The following NEMP2 variants were observed in gnomAD, a reference collection of about 807,000 sequenced individuals.
NEMP2 encodes the protein UPF0571 transmembrane protein.
NEMP2 carries 53 observed loss-of-function variants against 54.2 expected under a neutral mutation model. That is an observed-to-expected ratio of 0.98 (90% confidence interval 0.78 to 1.23). The LOEUF (loss-of-function observed/expected upper bound fraction) is 1.23, where lower values mean the gene tolerates loss of function less well. Among genes scored for constraint, NEMP2 ranks in the 50% most tolerant of loss-of-function variants. The probability of loss-of-function intolerance (pLI) is 0.00; values close to 1 mark genes in which losing one functional copy is unlikely to be tolerated. For synonymous variants in NEMP2, 197 were observed against 190.3 expected (o/e 1.04, Z -0.29); for missense variants, 455 against 511.3 (o/e 0.89, Z 1.06).
chr2:190,606,881 G>A, the NEMP2 span, among the ~76,000 whole-genome samples: 1 of 152,104 alleles, frequency 6.6e-6, no homozygotes, highest in Non-Finnish European at 1.5e-5. Flanking sequence ...TAATTGTGGA[G>A]CAAATGACCT....
upstream of NEMP2, among the ~76,000 whole-genome samples, chr2:190,539,139 T>C (rs1022908675): frequency 1.1e-4 from 17 of 152,166 alleles, no homozygotes; most frequent in African/African-American, 3.9e-4. The surrounding 1 kb of genome is among the most constrained non-coding windows in gnomAD (Gnocchi z 4.1). Flanking sequence ...TGGTAAGATA[T>C]AGAGGTTAGC....
chr2:190,440,967 T>C, the NEMP2 span, among the ~76,000 whole-genome samples: 2 of 152,132 alleles, frequency 1.3e-5, no homozygotes, highest in Non-Finnish European at 2.9e-5. Context: ...CAAGGACACA[T>C]GGGAGGTGGC....
rs1269861349 is a variant in NEMP2, at chr2:190,516,744, G to A, written c.613-360C>T. On this transcript the variant is annotated intron_variant, in intron 5 of 8. Transcript: ENST00000409150. ...GTTGCAAACTTTAATCAGTGTAACTGCAACACTACCAACATGAATTATTTA... is the reference window on the plus strand; with the variant it reads ...GTTGCAAACTTTAATCAGTGTAACTACAACACTACCAACATGAATTATTTA... 3.3e-5 allele frequency among the ~76,000 whole-genome samples: 5 copies of A among 152,202 alleles called. No individual in the cohort carries two copies. The East Asian group carries it at 9.6e-4, about 29-fold the overall frequency.
At chr2:190,630,665 T>C in the NEMP2 span, among the ~76,000 whole-genome samples, 2 of 152,344 alleles carry the variant, frequency 1.3e-5, no homozygotes, top group East Asian at 1.9e-4. This position sits in a 1 kb window ranked among gnomAD's most constrained non-coding sequence, Gnocchi z 5.5. Context: ...GTTAATTTCA[T>C]AGAACCCTCA....
At chr2:190,645,298 T>C in the NEMP2 span, among the ~76,000 whole-genome samples, 1 of 152,300 alleles carries the variant, frequency 6.6e-6, no homozygotes, top group East Asian at 1.9e-4. Context: ...ACTTTCCAAA[T>C]GGTGTTAAAA....
chr2:190,597,332 T>A, the NEMP2 span, among the ~76,000 whole-genome samples: 1 of 149,992 alleles, frequency 6.7e-6, no homozygotes, highest in African/African-American at 2.5e-5. This position sits in a 1 kb window ranked among gnomAD's most constrained non-coding sequence, Gnocchi z 4.7. Context: ...GGCTAAGAGA[T>A]AAAGGGGAGA....
the NEMP2 span, among the ~76,000 whole-genome samples, chr2:190,547,325 G>A: frequency 6.6e-6 from 1 of 152,112 alleles, no homozygotes; most frequent in South Asian, 2.1e-4. The surrounding 1 kb of genome is among the most constrained non-coding windows in gnomAD (Gnocchi z 6.2). Context: ...AAACTTTATG[G>A]TGACTTAATA....
chr2:190,460,703 G>A, the NEMP2 span, among the ~76,000 whole-genome samples: 3 of 152,166 alleles, frequency 2.0e-5, no homozygotes, highest in Non-Finnish European at 2.9e-5. Context: ...ATATTAAAGG[G>A]AATGGACCAG....
the NEMP2 span, among the ~76,000 whole-genome samples, chr2:190,488,483 T>A: frequency 6.6e-6 from 1 of 152,222 alleles, no homozygotes; most frequent in Non-Finnish European, 1.5e-5. The surrounding 1 kb of genome is among the most constrained non-coding windows in gnomAD (Gnocchi z 6.4). Context: ...ACTGTGAGTG[T>A]ACTCAGTGCC....
chr2:190,534,154 A>C, intron 1 of NEMP2: 1 of 1,004,526 alleles, frequency 1.0e-6, no homozygotes, highest in South Asian at 4.7e-5. Context: ...GTGAAATAAC[A>C]AGGATTTCAA....
rs759579269 is a variant in NEMP2 at position 190,519,063 on chromosome 2, T to C, written c.334A>G (p.Lys112Glu). 3.2e-6 allele frequency: 5 copies of C among 1,551,172 alleles called. No homozygotes were observed. In the South Asian group the frequency reaches 6.0e-5, roughly 18 times the overall value. The change falls in exon 3 of 9, where the codon AAG (lysine) becomes GAG (glutamate). Residue 112 changes from lysine to glutamate, a missense_variant. Physicochemically the swap from Lys to Glu is moderately conservative, Grantham distance 56 (BLOSUM62 1). Transcript: ENST00000409150. This position sits in a 1 kb window ranked among gnomAD's most constrained non-coding sequence, Gnocchi z 5.4. The part of the protein sequence containing the change: ...KCVIHNFWIP[K>E]ESNEITIIIN... ...ATTATGGTTATTTCGTTAGATTCCTTTGGTATCCAAAAGTTATGAATCACA... is the reference window on the plus strand; with the variant it reads ...ATTATGGTTATTTCGTTAGATTCCTCTGGTATCCAAAAGTTATGAATCACA...
chr2:190,595,658 T>C, the NEMP2 span, among the ~76,000 whole-genome samples: 1 of 152,154 alleles, frequency 6.6e-6, no homozygotes. The surrounding 1 kb of genome is among the most constrained non-coding windows in gnomAD (Gnocchi z 4.0). Context: ...AAGCTCATCA[T>C]CACTGGTCAT....
chr2:190,463,965 G>C, the NEMP2 span: 1 of 867,790 alleles, frequency 1.2e-6, no homozygotes, highest in Admixed American at 6.2e-5. The surrounding 1 kb of genome is among the most constrained non-coding windows in gnomAD (Gnocchi z 4.4). Context: ...CAGGGATCTG[G>C]TGTCAACAAC....
the NEMP2 span, among the ~76,000 whole-genome samples, chr2:190,491,943 A>T: frequency 3.3e-5 from 5 of 152,202 alleles, no homozygotes; most frequent in Non-Finnish European, 7.3e-5. This position sits in a 1 kb window ranked among gnomAD's most constrained non-coding sequence, Gnocchi z 4.2. Flanking sequence ...ATCTTCAATG[A>T]GATAGATAGC....
chr2:190,576,707 A>C, the NEMP2 span, among the ~76,000 whole-genome samples: 2 of 152,020 alleles, frequency 1.3e-5, no homozygotes, highest in Non-Finnish European at 2.9e-5. Context: ...ACATGTGGTG[A>C]TAGCAACCTG....
chr2:190,589,708 G>A, the NEMP2 span, among the ~76,000 whole-genome samples: 1 of 152,110 alleles, frequency 6.6e-6, no homozygotes, highest in Non-Finnish European at 1.5e-5. This position sits in a 1 kb window ranked among gnomAD's most constrained non-coding sequence, Gnocchi z 4.3. Context: ...AAATGAAGGA[G>A]GTTGCTCCAC....
chr2:190,646,832 A>G, the NEMP2 span: 1 of 152,228 alleles, frequency 6.6e-6, no homozygotes, highest in Non-Finnish European at 1.5e-5. Flanking sequence ...TCTGGAAACA[A>G]TTCCACTAGA....
chr2:190,584,609 A>G, the NEMP2 span, among the ~76,000 whole-genome samples: 1 of 152,152 alleles, frequency 6.6e-6, no homozygotes, highest in African/African-American at 2.4e-5. The surrounding 1 kb of genome is among the most constrained non-coding windows in gnomAD (Gnocchi z 4.2). Context: ...ATGGTGGCTC[A>G]TGCTTATAAT....
the NEMP2 span, among the ~76,000 whole-genome samples, chr2:190,627,499 T>C: frequency 6.6e-6 from 1 of 152,190 alleles, no homozygotes; most frequent in Non-Finnish European, 1.5e-5. The surrounding 1 kb of genome is among the most constrained non-coding windows in gnomAD (Gnocchi z 4.4). Context: ...AAAAGGTTAT[T>C]TATATCTGCA....
Sources: gnomAD v4.1 joint callset for allele counts (sites outside exome capture counted in the v4.1 genomes callset) on GRCh38, gnomAD v4.1.1 for gene constraint, Gnocchi (gnomAD v3.1) non-coding constraint, MANE v1.5 for transcripts, NCBI Gene and HGNC (gene_info 2026-07-23, HGNC 2026-07-21) for gene names.